The following NOM1 variants were observed in gnomAD, a reference collection of about 807,000 sequenced individuals.
The protein encoded by NOM1 is nucleolar protein with MIF4G domain 1, also known as nucleolar MIF4G domain-containing protein 1.
A neutral mutation model predicts 73.3 loss-of-function variants in NOM1; 58 were observed. That is an observed-to-expected ratio of 0.79 (90% CI 0.64 to 0.99). The LOEUF (loss-of-function observed/expected upper bound fraction) is 0.99, where lower values mean the gene tolerates loss of function less well. NOM1 is among the 50% of genes least tolerant of loss of function. The pLI, the probability that NOM1 is intolerant of heterozygous loss-of-function variation, is 0.00. For missense variants in NOM1, 1,226 were observed against 1,131.9 expected (o/e 1.08, Z -1.19); for synonymous variants, 487 against 446.8 (o/e 1.09, Z -1.14).
chr7:156,957,765 A>C (rs1314107136), intron 3 of NOM1, among the ~76,000 whole-genome samples: 2 of 128,816 alleles, frequency 1.6e-5, no homozygotes, highest in African/African-American at 3.1e-5. Context: ...ACAGAGCGAG[A>C]CTCCGTCTCA....
At chr7:156,955,575 T>C (rs1204476421) in intron 3 of NOM1, among the ~76,000 whole-genome samples, 2 of 152,210 alleles carry the variant, frequency 1.3e-5, no homozygotes, top group Non-Finnish European at 2.9e-5. Context: ...CCTAAAAGTC[T>C]AATTACCTGG....
intron 4 of NOM1, 144 bp from the exon 5 acceptor site, chr7:156,962,007 T>A (rs1456053206): frequency 3.0e-6 from 2 of 677,882 alleles, no homozygotes; most frequent in Non-Finnish European, 5.3e-6. Context: ...TAGTTTAGAC[T>A]GTCTCTACCT....
chr7:156,950,627 A>T lies in NOM1; in HGVS notation c.890A>T (p.Lys297Met). The change falls in exon 1 of 11, where the codon AAG becomes ATG. Residue 297 changes from lysine to methionine, a missense_variant. Coordinates refer to ENST00000275820, the MANE Select transcript of NOM1 (RefSeq NM_138400.2). ...TEEEQGEEKE[K>M]GAQEKRRGKR... Reference sequence around the variant, plus strand: ...GAGGAACAGGGGGAAGAAAAGGAAAAGGGAGCGCAGGAGAAAAGGAGGGGG... The same window carrying T: ...GAGGAACAGGGGGAAGAAAAGGAAATGGGAGCGCAGGAGAAAAGGAGGGGG... The T allele has an allele frequency of 6.4e-7, 1 of 1,558,440 alleles. No individual in the cohort carries two copies. Among genetic ancestry groups the T allele is most frequent in the Non-Finnish European group, 8.7e-7 (1 of 1,150,368 alleles).
Position 156,950,247 on chromosome 7 carries a change from C to G in NOM1, c.510C>G (p.Ala170=), listed in dbSNP as rs1392178907. ...CCTCCGCAGCCGCCACCGCCGCTGC[C>G]CGGAAACGGGCGCTTTTAGCGGCGA... is the stretch of plus-strand genomic sequence containing the variant. ...TRPSAAATAA[A]RKRALLAANE... The change falls in exon 1 of 11, where the codon GCC becomes GCG. Residue 170 remains alanine, a synonymous_variant. Coordinates refer to ENST00000275820, the MANE Select transcript of NOM1 (RefSeq NM_138400.2). 6.2e-7 allele frequency: 1 copy of G among 1,613,454 alleles called. No homozygotes were observed. Among genetic ancestry groups the G allele is most frequent in the Non-Finnish European group, 8.5e-7 (1 of 1,179,686 alleles).
chr7:156,960,604 G>A (rs192286913), intron 4 of NOM1, among the ~76,000 whole-genome samples: 15 of 152,250 alleles, frequency 9.9e-5, no homozygotes, highest in Non-Finnish European at 1.9e-4. Context: ...CTGGGAAGCC[G>A]TTTGGGGAAG....
chr7:156,967,209 A>G lies in NOM1; in HGVS notation c.2298+117A>G, dbSNP rs1805019809. Reference sequence around the variant, plus strand: ...TTTTCTTCGATTCTGATTCATCTGAAAAGTGCTTGCATTATCCTAGCCAGG... The same window carrying G: ...TTTTCTTCGATTCTGATTCATCTGAGAAGTGCTTGCATTATCCTAGCCAGG... On this transcript the variant is annotated intron_variant, in intron 9 of 10. Transcript: ENST00000275820. The G allele has an allele frequency of 2.6e-5, 33 of 1,246,014 alleles. No homozygotes were observed. In the South Asian group the frequency reaches 4.4e-4, roughly 17 times the overall value. 77.2% of individuals were successfully genotyped at this position (1,246,014 alleles called of 1,614,324 possible). A position where few individuals can be genotyped will look rare whatever the true frequency, so the allele number is the denominator to read the frequency against.
chr7:156,952,517 G>T lies in NOM1; in HGVS notation c.1031G>T (p.Arg344Met). ...SGEKYIPPHV[R>M]QAEETVDFKK... ...GAAAAGTACATCCCACCTCATGTGA[G>T]GCAAGCTGAGGAGACAGTGGACTTC... is the stretch of plus-strand genomic sequence containing the variant. The change falls in exon 2 of 11, where the codon AGG becomes ATG. Residue 344 changes from arginine (R) to methionine (M), a missense_variant. Coordinates refer to ENST00000275820, the MANE Select transcript of NOM1 (RefSeq NM_138400.2). The T allele has an allele frequency of 6.2e-7, 1 of 1,614,004 alleles. No homozygotes were observed. The highest frequency in any genetic ancestry group is 8.5e-7 in the Non-Finnish European group (1 of 1,179,888).
intron 1 of NOM1, 39 bp from the exon 2 acceptor site, chr7:156,952,435 A>G (rs1171159050): frequency 1.3e-6 from 2 of 1,590,078 alleles, no homozygotes; most frequent in Admixed American, 1.9e-5. Flanking sequence ...GGATTTGGTC[A>G]GTGTAAATTT....
Position 156,950,515 on chromosome 7 carries a change from G to A in NOM1, c.778G>A (p.Glu260Lys), listed in dbSNP as rs762182460. ...DLESDSQDES[E>K]EEEEGDVEKE... ...AGAGAGTGACTCCCAGGACGAAAGTGAGGAGGAGGAGGAGGGAGACGTAGA... is the reference window on the plus strand; with the variant it reads ...AGAGAGTGACTCCCAGGACGAAAGTAAGGAGGAGGAGGAGGGAGACGTAGA... Residue 260 changes from glutamate (E) to lysine (K), a missense_variant, in exon 1 of 11, where the codon GAG (glutamate) becomes AAG (lysine). Transcript: ENST00000275820. 6.2e-7 allele frequency: 1 copy of A among 1,603,690 alleles called. No individual in the cohort carries two copies. Among genetic ancestry groups the A allele is most frequent in the Admixed American group, 1.7e-5 (1 of 59,874 alleles).
chr7:156,959,267 T>A (rs1804803435), intron 3 of NOM1, among the ~76,000 whole-genome samples: 2 of 152,114 alleles, frequency 1.3e-5, no homozygotes, highest in African/African-American at 4.8e-5. Context: ...CACGCCCGGC[T>A]AATTTTTTGT....
At chr7:156,955,258 G>C (rs1804692946) in intron 3 of NOM1, among the ~76,000 whole-genome samples, 1 of 152,164 alleles carries the variant, frequency 6.6e-6, no homozygotes, top group Admixed American at 6.5e-5. Context: ...TTCTGGGCCT[G>C]TTCTCTCTTA....
chr7:156,969,923 A>C lies in NOM1; in HGVS notation c.*220A>C. On this transcript the variant is annotated 3_prime_UTR_variant, in exon 11 of 11. Transcript: ENST00000275820. ...GGGGTGAGAGGAGAAGGAGGGAGGG[A>C]AAAGGGGTCAGGCACACTGGACAGG... 1 of 377,640 alleles carries C rather than the reference A, an allele frequency of 2.6e-6. No individual in the cohort carries two copies. Among genetic ancestry groups the C allele is most frequent in the Non-Finnish European group, 4.8e-6 (1 of 210,396 alleles). The allele number at this position is 377,640 out of a possible 1,614,324, so 23.4% of individuals were successfully genotyped here.
At chr7:156,950,856 G>A in intron 1 of NOM1, 132 bp downstream of exon 1, 1 of 759,256 alleles carries the variant, frequency 1.3e-6, no homozygotes, top group South Asian at 1.9e-5. Flanking sequence ...AGTAAATCGA[G>A]TACGTTACTC....
Position 156,960,142 on chromosome 7 carries a change from G to A in NOM1, c.1600G>A (p.Gly534Arg), listed in dbSNP as rs111976742. The change falls in exon 4 of 11, where the codon GGG becomes AGG. Residue 534 changes from glycine (G) to arginine (R), a missense_variant. By Grantham distance (125) the Gly-to-Arg change is moderately radical. Coordinates refer to ENST00000275820, the MANE Select transcript of NOM1 (RefSeq NM_138400.2). The stretch of plus-strand genomic sequence containing the variant: ...CACTGAAGCCCAGACCAAAGCCAGC[G>A]GGGCAGGCAGCGAGTTTCAGGACCA... The part of the protein sequence containing the change: ...LITEAQTKAS[G>R]AGSEFQDQTR... 394 of 1,613,568 alleles carry A rather than the reference G, an allele frequency of 2.4e-4. 3 individuals are homozygous for A. The African/African-American group carries it at 4.3e-3, about 17-fold the overall frequency.
At chr7:156,963,750 G>A in intron 6 of NOM1, 155 bp from the exon 7 acceptor site, 1 of 725,044 alleles carries the variant, frequency 1.4e-6, no homozygotes, top group Non-Finnish European at 2.2e-6. Context: ...TGTTCCCCTT[G>A]CACAGAGGGG....
chr7:156,956,179 C>T (rs1295477966), intron 3 of NOM1, among the ~76,000 whole-genome samples: 2 of 143,844 alleles, frequency 1.4e-5, no homozygotes, highest in South Asian at 4.4e-4. Context: ...GGTGACAGAG[C>T]GAGACTCAGT....
chr7:156,960,471 C>T (rs1203034451), intron 4 of NOM1, among the ~76,000 whole-genome samples: 3 of 152,210 alleles, frequency 2.0e-5, no homozygotes, highest in Non-Finnish European at 4.4e-5. Flanking sequence ...TGGGCTCTGC[C>T]ACTTGACAGC....
In NOM1 at chr7:156,959,885, A is replaced by G. The variant is rs759257647; in HGVS notation, c.1343A>G (p.Lys448Arg). 6.2e-7 allele frequency: 1 copy of G among 1,614,232 alleles called. No individual in the cohort carries two copies. The highest frequency in any genetic ancestry group is 1.1e-5 in the South Asian group (1 of 91,090). Residue 448 changes from lysine (K) to arginine (R), a missense_variant, in exon 4 of 11, where the codon AAG becomes AGG. Lys to Arg is a conservative substitution (Grantham distance 26). Coordinates refer to ENST00000275820, the MANE Select transcript of NOM1 (RefSeq NM_138400.2). ...GAHFLEAVVR[K>R]FDAIYKYGSE... ...CACTTTCTGGAGGCAGTGGTGAGGA[A>G]GTTCGATGCCATCTATAAATACGGA...
At chr7:156,957,801 G>GAA (rs1804765210) in intron 3 of NOM1, among the ~76,000 whole-genome samples, 1 of 127,794 alleles carries the variant, frequency 7.8e-6, no homozygotes, top group Non-Finnish European at 1.7e-5. Flanking sequence ...AAAAAAAAAA[G>GAA]AAAAAGAAAA....
Sources: allele counts gnomAD v4.1 joint callset (sites outside exome capture counted in the v4.1 genomes callset), GRCh38; gene constraint gnomAD v4.1.1; transcripts MANE v1.5; gene names NCBI Gene and HGNC (gene_info 2026-07-23, HGNC 2026-07-21).